Variants in TTC28 observed in about 807,000 individuals in gnomAD.
TTC28 encodes the protein tetratricopeptide repeat protein 28.
In TTC28, 61 loss-of-function variants were observed where a neutral mutation model predicts 198.0. The observed-to-expected ratio is 0.31, with a 90% CI of 0.25 to 0.38. TTC28 has a LOEUF of 0.38. TTC28 is among the 10% of genes least tolerant of loss of function. The probability of loss-of-function intolerance (pLI) is 1.00; values close to 1 mark genes in which losing one functional copy is unlikely to be tolerated. For missense variants in TTC28, 2,678 were observed against 3,164.0 expected (o/e 0.85, Z 3.69); for synonymous variants, 1,171 against 1,297.8 (o/e 0.90, Z 2.10).
At chr22:28,112,191 T>C (rs1264978751) in intron 6 of TTC28, among the ~76,000 whole-genome samples, 1 of 152,182 alleles carries the variant, frequency 6.6e-6, no homozygotes, top group Admixed American at 6.5e-5. Context: ...ATAGTATGTA[T>C]CAATATACTT....
At chr22:28,317,872 C>G (rs1000264460) in intron 2 of TTC28, among the ~76,000 whole-genome samples, 1 of 152,060 alleles carries the variant, frequency 6.6e-6, no homozygotes, top group Non-Finnish European at 1.5e-5. Flanking sequence ...AGAAGGGTCT[C>G]CTTCCTGAGA....
chr22:28,307,021 G>T (rs183813754), intron 2 of TTC28, among the ~76,000 whole-genome samples: 1 of 152,142 alleles, frequency 6.6e-6, no homozygotes, highest in African/African-American at 2.4e-5. Context: ...ATCTAGTACA[G>T]TGCAAAAATA....
rs1255840907 is a variant in TTC28, at chr22:27,980,920, T to C, written c.*1301A>G. 2.0e-5 allele frequency: 3 copies of C among 152,262 alleles called. No homozygotes were observed. The highest frequency in any genetic ancestry group is 6.5e-5 in the Admixed American group (1 of 15,284). The allele number at this position is 152,262 out of a possible 1,614,324, so 9.4% of individuals were successfully genotyped here. A position where few individuals can be genotyped will look rare whatever the true frequency, so the allele number is the denominator to read the frequency against. On this transcript the variant is annotated 3_prime_UTR_variant, in exon 23 of 23. Transcript: ENST00000397906. ...TTAAGATACATCTCTCTCTTCCCGG[T>C]TGGCCATAATCCAGGCATACGTCCC...
At chr22:28,193,815 T>A (rs1033492258) in intron 5 of TTC28, among the ~76,000 whole-genome samples, 1 of 152,118 alleles carries the variant, frequency 6.6e-6, no homozygotes. Flanking sequence ...CCAAGAGACT[T>A]AGACTCCCAC....
At chr22:28,678,324 C>T (rs1008632056) in intron 1 of TTC28, among the ~76,000 whole-genome samples, 4 of 152,202 alleles carry the variant, frequency 2.6e-5, no homozygotes, top group African/African-American at 9.7e-5. Flanking sequence ...AAGCGATCCT[C>T]CCACCTCAGC....
intron 2 of TTC28, among the ~76,000 whole-genome samples, chr22:28,444,254 A>G (rs1334247933): frequency 1.3e-5 from 2 of 152,214 alleles, no homozygotes; most frequent in African/African-American, 4.8e-5. Flanking sequence ...ATACCAACTG[A>G]TATGCATAAT....
chr22:28,423,904 A>G (rs2047305438), intron 2 of TTC28, among the ~76,000 whole-genome samples: 1 of 152,216 alleles, frequency 6.6e-6, no homozygotes, highest in African/African-American at 2.4e-5. Flanking sequence ...CACTAGAGCA[A>G]TTTAAATCTT....
chr22:28,010,747 C>T (rs532446359), intron 14 of TTC28, among the ~76,000 whole-genome samples: 1 of 152,310 alleles, frequency 6.6e-6, no homozygotes, highest in Non-Finnish European at 1.5e-5. Flanking sequence ...CCAGCCCCTT[C>T]CTTCTGCTTC....
At chr22:28,097,002 G>A (rs12166164) in intron 10 of TTC28, among the ~76,000 whole-genome samples, 10,301 of 151,924 alleles carry the variant, frequency 0.068, 415 homozygotes, top group South Asian at 0.09. Context: ...ACGGGGTTTC[G>A]CCATGTTGGC....
chr22:28,219,563 A>G (rs1476210126), intron 5 of TTC28, among the ~76,000 whole-genome samples: 1 of 152,116 alleles, frequency 6.6e-6, no homozygotes, highest in African/African-American at 2.4e-5. Flanking sequence ...AGAAGCTCAT[A>G]GGAGATGCAA....
At chr22:28,573,782 C>T (rs2050099798) in intron 2 of TTC28, among the ~76,000 whole-genome samples, 1 of 152,052 alleles carries the variant, frequency 6.6e-6, no homozygotes, top group Admixed American at 6.6e-5. Context: ...CTATCAAATA[C>T]TAGATCTTAC....
chr22:28,297,438 T>C (rs1681711066), intron 4 of TTC28, 142 bp downstream of exon 4: 2 of 1,040,892 alleles, frequency 1.9e-6, no homozygotes, highest in Admixed American at 2.9e-5. Flanking sequence ...TTCCTGGCCT[T>C]AAGCAATCCT....
At chr22:28,495,791 T>G (rs2146354367) in intron 2 of TTC28, among the ~76,000 whole-genome samples, 1 of 152,258 alleles carries the variant, frequency 6.6e-6, no homozygotes, top group South Asian at 2.1e-4. Flanking sequence ...TGTTTGAACA[T>G]ATTAATATAA....
intron 1 of TTC28, among the ~76,000 whole-genome samples, chr22:28,659,425 C>T (rs145152900): frequency 2.0e-5 from 3 of 152,166 alleles, no homozygotes; most frequent in African/African-American, 7.2e-5. Context: ...CATGCCACCA[C>T]GTCCAGCTAA....
At chr22:28,050,484 CAAG>C (rs780899974) in intron 12 of TTC28, among the ~76,000 whole-genome samples, 28 of 152,006 alleles carry the variant, frequency 1.8e-4, no homozygotes, top group Non-Finnish European at 3.8e-4. Context: ...CACTAAGAGC[CAAG>C]AAGGTCTCTG....
At chr22:28,059,358 T>C (rs1940418429) in intron 12 of TTC28, among the ~76,000 whole-genome samples, 1 of 152,092 alleles carries the variant, frequency 6.6e-6, no homozygotes, top group Non-Finnish European at 1.5e-5. Context: ...ATGGATATTT[T>C]AGTAGTGTAT....
rs1025741431 is a variant in TTC28, at chr22:28,583,983, C to A, written c.381+45569G>T. Among the ~76,000 whole-genome samples, 8 of 140,884 alleles carry A rather than the reference C, an allele frequency of 5.7e-5. No homozygotes were observed. The East Asian group carries it at 8.2e-4, about 14-fold the overall frequency. The allele number at this position is 140,884 out of a possible 152,430, so 92.4% of individuals were successfully genotyped here. A position where few individuals can be genotyped will look rare whatever the true frequency, so the allele number is the denominator to read the frequency against. ...TCATGTATTATTTTCTCTCTTTCTC[C>A]GTTTTTTTTTTGTTTTGTTTTTGTT... On this transcript the variant is annotated intron_variant, in intron 2 of 22. Coordinates refer to ENST00000397906, the MANE Select transcript of TTC28 (RefSeq NM_001145418.2).
intron 19 of TTC28, 96 bp from the exon 20 acceptor site, chr22:27,990,908 T>G (rs1220698661): frequency 7.6e-7 from 1 of 1,308,114 alleles, no homozygotes; most frequent in African/African-American, 1.5e-5. Flanking sequence ...CTGATCACTG[T>G]TTAGGAAGCG....
At chr22:28,325,472 A>G (rs890085909) in intron 2 of TTC28, among the ~76,000 whole-genome samples, 59 of 152,264 alleles carry the variant, frequency 3.9e-4, no homozygotes, top group African/African-American at 1.3e-3. Flanking sequence ...ACAGTCCATA[A>G]AGGAAGTTTT....
Sources: gnomAD v4.1 joint callset for allele counts (sites outside exome capture counted in the v4.1 genomes callset) on GRCh38, gnomAD v4.1.1 for gene constraint, MANE v1.5 for transcripts, NCBI Gene and HGNC (gene_info 2026-07-23, HGNC 2026-07-21) for gene names.